COL18A1: variants seen among roughly 807,000 people sequenced by gnomAD.
The protein encoded by COL18A1 is collagen type XVIII alpha 1 chain.
A neutral mutation model predicts 168.0 loss-of-function variants in COL18A1; 133 were observed. The ratio of observed to expected loss-of-function variants is 0.79; its 90% CI spans 0.69 to 0.91. COL18A1 has a LOEUF of 0.91. Among genes scored for constraint, COL18A1 ranks in the 40% least tolerant of loss-of-function variants. The pLI is 0.00. For synonymous variants in COL18A1, 949 were observed against 809.0 expected (o/e 1.17, Z -2.94); for missense variants, 2,126 against 1,925.4 (o/e 1.10, Z -1.95).
At chr21:45,487,758 A>G in intron 17 of COL18A1, 1 of 644,062 alleles carries the variant, frequency 1.6e-6, no homozygotes. Context: ...AGTGGTCAAG[A>G]CAAAGGAACA....
chr21:45,436,645 TG>T (rs1218633827), intron 2 of COL18A1, among the ~76,000 whole-genome samples: 1 of 74,078 alleles, frequency 1.3e-5, no homozygotes, highest in Non-Finnish European at 2.7e-5. Flanking sequence ...GAACTGTGGC[TG>T]GGGTGGGGCT....
At chr21:45,469,225 G>A (rs899399724) in intron 3 of COL18A1, among the ~76,000 whole-genome samples, 3 of 152,246 alleles carry the variant, frequency 2.0e-5, no homozygotes, top group South Asian at 4.1e-4. Flanking sequence ...CTGACCGGCC[G>A]GTCGGGTAAG....
intron 22 of COL18A1, among the ~76,000 whole-genome samples, chr21:45,491,893 C>T (rs764767708): frequency 1.3e-5 from 2 of 152,232 alleles, no homozygotes; most frequent in Non-Finnish European, 1.5e-5. Flanking sequence ...AGATGCAGGG[C>T]CCAGGGCAGC....
At position 45,421,213 on chromosome 21, in the gene COL18A1, C is replaced by T. The variant is rs970252624; in HGVS notation, c.106+15740C>T. ...AGGGACCTTGGCCAGACGGCTTTGC[C>T]GCCCCCACCCCCATAGGTGCTTGCT... On this transcript the variant is annotated intron_variant, in intron 2 of 41. Transcript: ENST00000651438. The T allele has an allele frequency of 9.8e-5, 35 of 357,554 alleles. 1 individual carries two copies. Among genetic ancestry groups the T allele is most frequent in the Middle Eastern group, 1.0e-3 (1 of 992 alleles). The allele number at this position is 357,554 out of a possible 1,614,324, so 22.1% of individuals were successfully genotyped here.
chr21:45,490,104 C>A (rs1411994943), intron 19 of COL18A1, among the ~76,000 whole-genome samples, 171 bp from the exon 20 acceptor site: 1 of 28,652 alleles, frequency 3.5e-5, no homozygotes, highest in Admixed American at 3.2e-4. Context: ...CCCCCTGACT[C>A]CCCCCTCCCC....
chr21:45,495,238 C>T lies in COL18A1; in HGVS notation c.2434-120C>T, dbSNP rs553848402. Reference sequence around the variant, plus strand: ...GCCGGGGTAGCCTGAGAGCTGGGAACGTGTGAGGCTGAGCGTGGGCCGGCC... The same window carrying T: ...GCCGGGGTAGCCTGAGAGCTGGGAATGTGTGAGGCTGAGCGTGGGCCGGCC... On this transcript the variant is annotated intron_variant, in intron 28 of 41. Coordinates refer to ENST00000651438, the MANE Select transcript of COL18A1 (RefSeq NM_001379500.1). The T allele has an allele frequency of 1.2e-3, 970 of 814,834 alleles. 3 individuals carry two copies. The highest frequency in any genetic ancestry group is 1.7e-3 in the Non-Finnish European group (844 of 483,450). 50.5% of individuals were successfully genotyped at this position (814,834 alleles called of 1,614,324 possible). A position where few individuals can be genotyped will look rare whatever the true frequency, so the allele number is the denominator to read the frequency against.
At chr21:45,432,058 G>A (rs542883971) in intron 2 of COL18A1, among the ~76,000 whole-genome samples, 26 of 152,296 alleles carry the variant, frequency 1.7e-4, no homozygotes, top group African/African-American at 6.0e-4. Context: ...TGCAGGCCCT[G>A]GGCGGTGCCC....
intron 2 of COL18A1, among the ~76,000 whole-genome samples, chr21:45,430,192 C>T (rs1454300339): frequency 6.6e-6 from 1 of 151,998 alleles, no homozygotes; most frequent in Non-Finnish European, 1.5e-5. Context: ...GGTTTGGGGG[C>T]CCCCTATCTT....
intron 2 of COL18A1, among the ~76,000 whole-genome samples, chr21:45,465,481 A>G (rs1437811919): frequency 6.6e-6 from 1 of 152,160 alleles, no homozygotes; most frequent in Non-Finnish European, 1.5e-5. Context: ...TCACTGCGTA[A>G]GTGCTATGGT....
chr21:45,482,194 C>CT, intron 14 of COL18A1, 169 bp downstream of exon 14: 2 of 630,408 alleles, frequency 3.2e-6, no homozygotes, highest in Non-Finnish European at 5.8e-6. Flanking sequence ...ACCTGGGCGG[C>CT]TGGGGCTTGG....
At chr21:45,487,941 A>G (rs2036174014) in intron 17 of COL18A1, among the ~76,000 whole-genome samples, 4 of 152,386 alleles carry the variant, frequency 2.6e-5, no homozygotes, top group African/African-American at 9.6e-5. Context: ...GGTTAGAGCC[A>G]GCAAGGAGTG....
chr21:45,456,652 G>T, intron 2 of COL18A1: 1 of 1,535,416 alleles, frequency 6.5e-7, no homozygotes, highest in Non-Finnish European at 8.7e-7. Context: ...GGGCGTGGGG[G>T]GGCCTGCTGC....
rs765295059 is a variant in COL18A1 at position 45,475,544 on chromosome 21, C to A, written c.798+9C>A. 3.8e-5 allele frequency: 61 copies of A among 1,601,936 alleles called. No individual in the cohort carries two copies. The Admixed American group carries it at 1.0e-3, about 27-fold the overall frequency. On this transcript the variant is annotated intron_variant, in intron 5 of 41. Transcript: ENST00000651438. Reference sequence around the variant, plus strand: ...TTCTCAGGGAGGAGACGGTGAGTAGCCGGACGGGGCCCAGCCCACGCTGCA... The same window carrying A: ...TTCTCAGGGAGGAGACGGTGAGTAGACGGACGGGGCCCAGCCCACGCTGCA...
chr21:45,462,457 CTTT>C (rs2035077131), intron 2 of COL18A1, among the ~76,000 whole-genome samples: 1 of 152,104 alleles, frequency 6.6e-6, no homozygotes, highest in African/African-American at 2.4e-5. Flanking sequence ...TTTCTTTCAT[CTTT>C]TGTCTTTGAA....
chr21:45,509,493 CGAGCCCCAGCCCTACCCCG>C lies in COL18A1; in HGVS notation c.3395_3413del (p.Gln1132ArgfsTer113). The C allele has an allele frequency of 2.0e-6, 3 of 1,529,076 alleles. No individual in the cohort carries two copies. The highest frequency in any genetic ancestry group is 2.6e-6 in the Non-Finnish European group (3 of 1,135,752). 94.7% of individuals were successfully genotyped at this position (1,529,076 alleles called of 1,614,324 possible). ...TCCTGGCCAGCCCCCCTCGCCTGCC[CGAGCCCCAGCCCTACCCCG>C]GAGCCCCGCACCACAGCTCCTACGT... On this transcript the variant is annotated frameshift_variant, in exon 39 of 42. Transcript: ENST00000651438. LOFTEE classifies it high-confidence loss of function.
intron 15 of COL18A1, among the ~76,000 whole-genome samples, chr21:45,484,040 T>C (rs137997239): frequency 2.5e-5 from 3 of 118,328 alleles, no homozygotes; most frequent in Admixed American, 8.9e-5. Flanking sequence ...CACACACACC[T>C]CTCCAGCATA....
chr21:45,444,529 T>C (rs1237293969), intron 2 of COL18A1, among the ~76,000 whole-genome samples: 7 of 152,132 alleles, frequency 4.6e-5, no homozygotes, highest in Admixed American at 2.6e-4. Flanking sequence ...CACTCGTGCA[T>C]GGAGGGTGGT....
rs181635335 is a variant in COL18A1 at position 45,455,216 on chromosome 21, G to A, written c.107-13026G>A. On this transcript the variant is annotated intron_variant, in intron 2 of 41. Transcript: ENST00000651438. Reference sequence around the variant, plus strand: ...TCCAGAGACTCAGCAGCCCTGCCCCGGCAGAGCCTAGCGGAGCACGTTGGG... The same window carrying A: ...TCCAGAGACTCAGCAGCCCTGCCCCAGCAGAGCCTAGCGGAGCACGTTGGG... Among the ~76,000 whole-genome samples the A allele has an allele frequency of 8.1e-4, 123 of 152,334 alleles. 1 individual carries two copies. The highest frequency in any genetic ancestry group is 4.1e-3 in the Admixed American group (63 of 15,312).
At position 45,487,527 on chromosome 21, in the gene COL18A1, G is replaced by A. The variant is rs912079239; in HGVS notation, c.1896+18G>A. The A allele has an allele frequency of 5.0e-6, 8 of 1,612,086 alleles. No individual in the cohort carries two copies. Among genetic ancestry groups the A allele is most frequent in the Non-Finnish European group, 6.8e-6 (8 of 1,179,964 alleles). On this transcript the variant is annotated intron_variant, in intron 17 of 41. Coordinates refer to ENST00000651438, the MANE Select transcript of COL18A1 (RefSeq NM_001379500.1). ...GGCCACAGGTAGTGTTGTGAGCTGG[G>A]CGTGGCCGGCTCTGAGGGGTAAGGG...
Sources: allele counts gnomAD v4.1 joint callset (sites outside exome capture counted in the v4.1 genomes callset), GRCh38; gene constraint gnomAD v4.1.1; transcripts MANE v1.5; gene names NCBI Gene and HGNC (gene_info 2026-07-23, HGNC 2026-07-21).